TBC1D5: variants seen among roughly 807,000 people sequenced by gnomAD.
TBC1D5 encodes the protein TBC1 domain family member 5.
TBC1D5 carries 75 observed loss-of-function variants against 100.3 expected under a neutral mutation model. That is an observed-to-expected ratio of 0.75 (90% CI 0.62 to 0.91). The LOEUF (loss-of-function observed/expected upper bound fraction) is 0.91. TBC1D5 is among the 40% of genes least tolerant of loss of function. The pLI, the probability that TBC1D5 is intolerant of heterozygous loss-of-function variation, is 0.00. For missense variants in TBC1D5, 910 were observed against 942.4 expected (o/e 0.97, Z 0.45); for synonymous variants, 323 against 325.6 (o/e 0.99, Z 0.09).
At chr3:17,495,625 G>A (rs578041391) in intron 3 of TBC1D5, among the ~76,000 whole-genome samples, 2 of 152,320 alleles carry the variant, frequency 1.3e-5, no homozygotes, top group South Asian at 4.1e-4. Context: ...CCTCAACAGA[G>A]TAGGCCAGAT....
At chr3:17,530,013 G>T (rs1420173560) in intron 2 of TBC1D5, among the ~76,000 whole-genome samples, 1 of 152,132 alleles carries the variant, frequency 6.6e-6, no homozygotes, top group Non-Finnish European at 1.5e-5. Flanking sequence ...GGAGGCCAAG[G>T]CAGGTGGATC....
chr3:17,170,042 T>C (rs2067018964), intron 19 of TBC1D5, among the ~76,000 whole-genome samples: 1 of 152,162 alleles, frequency 6.6e-6, no homozygotes, highest in South Asian at 2.1e-4. Flanking sequence ...CACGTGCCCC[T>C]CACCTCCTGC....
chr3:17,538,683 A>C (rs768210853), intron 2 of TBC1D5, among the ~76,000 whole-genome samples: 1 of 152,144 alleles, frequency 6.6e-6, no homozygotes, highest in African/African-American at 2.4e-5. Context: ...AAGATTCACC[A>C]CTGCTAACAG....
intron 18 of TBC1D5, among the ~76,000 whole-genome samples, chr3:17,212,023 CAGAT>C (rs2073045342): frequency 6.6e-6 from 1 of 152,192 alleles, no homozygotes; most frequent in Non-Finnish European, 1.5e-5. Flanking sequence ...CAAAGTCACA[CAGAT>C]AGAGAACATG....
intron 15 of TBC1D5, among the ~76,000 whole-genome samples, chr3:17,261,267 C>T (rs981083598): frequency 6.6e-6 from 1 of 152,064 alleles, no homozygotes; most frequent in Non-Finnish European, 1.5e-5. Context: ...ACAACCAAAA[C>T]AAAACCAAAT....
intron 2 of TBC1D5, among the ~76,000 whole-genome samples, chr3:17,612,073 G>A (rs974947253): frequency 1.3e-5 from 2 of 152,112 alleles, no homozygotes; most frequent in Non-Finnish European, 2.9e-5. Flanking sequence ...GGCCAAGCGA[G>A]TAGACTGCTT....
At chr3:17,648,643 A>G (rs1286401009) in intron 1 of TBC1D5, among the ~76,000 whole-genome samples, 2 of 152,078 alleles carry the variant, frequency 1.3e-5, no homozygotes, top group Non-Finnish European at 2.9e-5. Flanking sequence ...AGAGAAACAA[A>G]CAACACCACT....
intron 4 of TBC1D5, among the ~76,000 whole-genome samples, chr3:17,416,444 C>A (rs934074994): frequency 2.0e-5 from 3 of 152,148 alleles, no homozygotes; most frequent in African/African-American, 7.2e-5. Context: ...AGGATGGCAA[C>A]AATTCACTCA....
At position 17,306,023 on chromosome 3, in the gene TBC1D5, C is replaced by T. The variant is rs184833279; in HGVS notation, c.1138+1969G>A. ...TTTCTTTCTTTAGTCTCATAACCTG[C>T]GGCTAGTCTCTCTCCCTTTGTACTC... On this transcript the variant is annotated intron_variant, in intron 14 of 21. Transcript: ENST00000253692. Among the ~76,000 whole-genome samples, 97 of 152,296 alleles carry T rather than the reference C, an allele frequency of 6.4e-4. 1 individual carries two copies. Among genetic ancestry groups the T allele is most frequent in the Admixed American group, 3.7e-3 (56 of 15,292 alleles).
At chr3:17,161,376 G>A (rs1273709416) in intron 21 of TBC1D5, 120 bp from the exon 23 acceptor site, 14 of 1,107,254 alleles carry the variant, frequency 1.3e-5, no homozygotes, top group South Asian at 1.6e-5. Flanking sequence ...CCCTACATTC[G>A]ACCTTGAAAG....
intron 2 of TBC1D5, among the ~76,000 whole-genome samples, chr3:17,564,884 GA>G (rs2096584012): frequency 6.6e-6 from 1 of 151,722 alleles, no homozygotes; most frequent in Non-Finnish European, 1.5e-5. Flanking sequence ...AAAAAAAGAA[GA>G]AAAAAATAAA....
chr3:17,730,861 G>C (rs2076495405), intron 1 of TBC1D5, among the ~76,000 whole-genome samples: 1 of 152,048 alleles, frequency 6.6e-6, no homozygotes, highest in Non-Finnish European at 1.5e-5. Context: ...GGCACTCACA[G>C]AGCAGTCAAA....
At chr3:17,708,102 T>C (rs1355784609) in intron 1 of TBC1D5, among the ~76,000 whole-genome samples, 1 of 152,240 alleles carries the variant, frequency 6.6e-6, no homozygotes, top group Non-Finnish European at 1.5e-5. Flanking sequence ...CTTTACCTCC[T>C]TACTAGCAAC....
At chr3:17,365,517 G>A (rs1411452666) in intron 13 of TBC1D5, among the ~76,000 whole-genome samples, 1 of 152,118 alleles carries the variant, frequency 6.6e-6, no homozygotes. Context: ...ATTGGACTCC[G>A]ACAAGGAAAT....
intron 1 of TBC1D5, among the ~76,000 whole-genome samples, chr3:17,656,076 A>T (rs532256804): frequency 6.6e-6 from 1 of 152,340 alleles, no homozygotes; most frequent in African/African-American, 2.4e-5. Context: ...TTTGCCTAGA[A>T]CATCTTTCAG....
At chr3:17,657,705 G>A (rs1178236718) in intron 1 of TBC1D5, among the ~76,000 whole-genome samples, 1 of 152,142 alleles carries the variant, frequency 6.6e-6, no homozygotes, top group Admixed American at 6.5e-5. Context: ...AAGTCCATTA[G>A]TCATTCTGCC....
intron 18 of TBC1D5, among the ~76,000 whole-genome samples, chr3:17,194,838 C>T (rs2125692492): frequency 6.6e-6 from 1 of 152,154 alleles, no homozygotes; most frequent in South Asian, 2.1e-4. Context: ...TAGAAGTTGC[C>T]TACAAAAAAT....
chr3:17,531,565 T>C (rs146434008), intron 2 of TBC1D5, among the ~76,000 whole-genome samples: 10,489 of 152,166 alleles, frequency 0.069, 713 homozygotes, highest in African/African-American at 0.18. Flanking sequence ...GGAGGCATCA[T>C]GCTACCTGAC....
intron 2 of TBC1D5, among the ~76,000 whole-genome samples, chr3:17,526,034 GT>G (rs564444903): frequency 1.8e-4 from 27 of 152,124 alleles, no homozygotes; most frequent in African/African-American, 4.1e-4. Flanking sequence ...CAGAAATTAA[GT>G]CATATTTCTG....
Sources: gnomAD v4.1 joint callset for allele counts (sites outside exome capture counted in the v4.1 genomes callset) on GRCh38, gnomAD v4.1.1 for gene constraint, MANE v1.5 for transcripts, NCBI Gene and HGNC (gene_info 2026-07-23, HGNC 2026-07-21) for gene names.